The following LMBRD1 variants were observed in gnomAD, a reference collection of about 807,000 sequenced individuals.
LMBRD1 encodes LMBR1 domain containing 1, also known as lysosomal cobalamin transport escort protein LMBD1.
In LMBRD1, 64 loss-of-function variants were observed where a neutral mutation model predicts 74.8. That is an observed-to-expected ratio of 0.86 (90% CI 0.70 to 1.05). The LOEUF is 1.05. Among genes scored for constraint, LMBRD1 ranks in the 50% least tolerant of loss-of-function variants. The pLI is 0.00. For synonymous variants in LMBRD1, 204 were observed against 216.3 expected (o/e 0.94, Z 0.50); for missense variants, 652 against 645.9 (o/e 1.01, Z -0.10).
chr6:69,724,990 T>A (rs1389583008), intron 7 of LMBRD1, among the ~76,000 whole-genome samples: 2 of 152,016 alleles, frequency 1.3e-5, no homozygotes, highest in African/African-American at 4.8e-5. Context: ...AAAACTATTA[T>A]AACTGACAAG....
intron 5 of LMBRD1, chr6:69,745,997 G>A (rs1019104278): frequency 3.7e-5 from 8 of 218,848 alleles, no homozygotes; most frequent in East Asian, 2.2e-4. Flanking sequence ...TTCACTACAC[G>A]GCCTAAATGT....
At chr6:69,766,129 A>G (rs990741646) in intron 3 of LMBRD1, among the ~76,000 whole-genome samples, 3 of 151,586 alleles carry the variant, frequency 2.0e-5, no homozygotes, top group Non-Finnish European at 4.4e-5. Context: ...TTAATATTTA[A>G]GTAAATTTAT....
intron 3 of LMBRD1, among the ~76,000 whole-genome samples, chr6:69,768,322 T>TA (rs1181052296): frequency 2.0e-5 from 3 of 151,938 alleles, no homozygotes; most frequent in African/African-American, 7.2e-5. Flanking sequence ...ACTTATTTTA[T>TA]AGATATTTAT....
At chr6:69,679,072 A>AC (rs1360464747) in intron 14 of LMBRD1, among the ~76,000 whole-genome samples, 1 of 68,262 alleles carries the variant, frequency 1.5e-5, no homozygotes, top group Non-Finnish European at 4.2e-5. Flanking sequence ...ACAAACAAAC[A>AC]AAAAAAATCA....
At position 69,704,880 on chromosome 6, in the gene LMBRD1, TGCTA is replaced by T. The variant is rs915910678; in HGVS notation, c.916-2931_916-2928del. Reference sequence around the variant, plus strand: ...TTCTGTGTGATTCCTTTTGTTCTTCTGCTAGCTTTTTTGGGATTGGACATTTGTT... The same window carrying T: ...TTCTGTGTGATTCCTTTTGTTCTTCTGCTTTTTTGGGATTGGACATTTGTT... On this transcript the variant is annotated intron_variant, in intron 9 of 15. Coordinates refer to ENST00000649934, the MANE Select transcript of LMBRD1 (RefSeq NM_018368.4). 5.9e-4 allele frequency among the ~76,000 whole-genome samples: 88 copies of T among 150,326 alleles called. 1 individual carries two copies. Among genetic ancestry groups the T allele is most frequent in the African/African-American group, 2.0e-3 (82 of 40,830 alleles).
At chr6:69,712,518 C>T (rs773636507) in intron 9 of LMBRD1, among the ~76,000 whole-genome samples, 1 of 151,486 alleles carries the variant, frequency 6.6e-6, no homozygotes, top group Non-Finnish European at 1.5e-5. Context: ...AAGAAAATGT[C>T]ACACATACAT....
chr6:69,700,933 A>C, intron 11 of LMBRD1, 64 bp from the exon 12 acceptor site: 1 of 1,052,006 alleles, frequency 9.5e-7, no homozygotes. Flanking sequence ...AGTCATATAA[A>C]ATAAGCTAAA....
chr6:69,715,829 G>T (rs2149854420), intron 8 of LMBRD1, among the ~76,000 whole-genome samples: 1 of 152,118 alleles, frequency 6.6e-6, no homozygotes, highest in South Asian at 2.1e-4. Flanking sequence ...ATGTGTCCAT[G>T]TGTTCTCATC....
At chr6:69,701,313 G>A in intron 11 of LMBRD1, 130 bp downstream of exon 11, 1 of 631,216 alleles carries the variant, frequency 1.6e-6, no homozygotes, top group Non-Finnish European at 2.9e-6. Context: ...AATAATATAA[G>A]CATATGTCAA....
chr6:69,774,638 G>A (rs1228086708), intron 3 of LMBRD1, among the ~76,000 whole-genome samples: 1 of 151,966 alleles, frequency 6.6e-6, no homozygotes, highest in African/African-American at 2.4e-5. Context: ...TTAGATAAAA[G>A]GCTAAAACAC....
At chr6:69,701,371 C>A in intron 11 of LMBRD1, 72 bp downstream of exon 11, 1 of 848,596 alleles carries the variant, frequency 1.2e-6, no homozygotes, top group Non-Finnish European at 2.0e-6. Context: ...AACAGGATGT[C>A]AGAATGTTTG....
Position 69,790,432 on chromosome 6 carries a change from T to C in LMBRD1, c.110A>G (p.Gln37Arg), listed in dbSNP as rs1306321100. Residue 37 changes from glutamine to arginine, a missense_variant, in exon 2 of 16, where the codon CAA (glutamine) becomes CGA (arginine). Gln to Arg is a conservative substitution (Grantham distance 43). Coordinates refer to ENST00000649934, the MANE Select transcript of LMBRD1 (RefSeq NM_018368.4). ...GACAACTTCACTTTCCCGCCGACTT[T>C]GGTATTTACGAACATATATCCAGCA... ...AFCWIYVRKYQSRRESEVVST... is the reference protein window; with the variant it reads ...AFCWIYVRKYRSRRESEVVST... The C allele has an allele frequency of 3.1e-6, 5 of 1,613,948 alleles. No individual in the cohort carries two copies. The highest frequency in any genetic ancestry group is 4.2e-6 in the Non-Finnish European group (5 of 1,179,976).
In LMBRD1 at chr6:69,769,372, C is replaced by A. The variant is rs553387739; in HGVS notation, c.307+11122G>T. 3.9e-5 allele frequency among the ~76,000 whole-genome samples: 6 copies of A among 152,168 alleles called. 1 individual carries two copies. In the South Asian group the frequency reaches 1.2e-3, roughly 32 times the overall value. On this transcript the variant is annotated intron_variant, in intron 3 of 15. Transcript: ENST00000649934. Reference sequence around the variant, plus strand: ...TTATTTTTAAAATCATTTCTATCTCCTTTTTGAACATCTCTATTTGTCACA... The same window carrying A: ...TTATTTTTAAAATCATTTCTATCTCATTTTTGAACATCTCTATTTGTCACA...
intron 3 of LMBRD1, among the ~76,000 whole-genome samples, chr6:69,775,407 T>A (rs1765679519): frequency 6.6e-6 from 1 of 152,178 alleles, no homozygotes; most frequent in Admixed American, 6.5e-5. Context: ...GACCCTAGGA[T>A]TTGCAGAGAT....
intron 1 of LMBRD1, among the ~76,000 whole-genome samples, chr6:69,794,316 G>GGACAT (rs916417695): frequency 6.6e-6 from 1 of 152,114 alleles, no homozygotes; most frequent in African/African-American, 2.4e-5. Context: ...AATTAAGACT[G>GGACAT]TGCTTCACAA....
intron 1 of LMBRD1, chr6:69,790,674 T>C (rs1766061888): frequency 5.2e-6 from 3 of 581,870 alleles, no homozygotes; most frequent in Non-Finnish European, 9.2e-6. Flanking sequence ...ACATCACGTA[T>C]GCATACACAC....
Position 69,780,539 on chromosome 6 carries a change from T to G in LMBRD1, c.262A>C (p.Asn88His). The G allele has an allele frequency of 6.2e-7, 1 of 1,607,416 alleles. No individual in the cohort carries two copies. Among genetic ancestry groups the G allele is most frequent in the Non-Finnish European group, 8.5e-7 (1 of 1,174,072 alleles). ...NGTFKDWANA[N>H]VSRQIEDTVL... ...GTGTCCTCAATCTGTCTGCTGACAT[T>G]AGCATTAGCCCAGTCCTAGGATAAA... The change falls in exon 3 of 16, where the codon AAT (asparagine) becomes CAT (histidine). Residue 88 changes from asparagine (N) to histidine (H), a missense_variant. Transcript: ENST00000649934.
At chr6:69,700,712 G>A in intron 12 of LMBRD1, 53 bp downstream of exon 12, 2 of 1,170,078 alleles carry the variant, frequency 1.7e-6, no homozygotes, top group Non-Finnish European at 2.4e-6. Flanking sequence ...TTGTAATTAT[G>A]GAGATCACAC....
At chr6:69,721,352 G>A (rs1766610849) in intron 7 of LMBRD1, among the ~76,000 whole-genome samples, 1 of 152,176 alleles carries the variant, frequency 6.6e-6, no homozygotes, top group South Asian at 2.1e-4. Context: ...GGAAAGGAGA[G>A]GGAAGAGTAA....
Sources: allele counts gnomAD v4.1 joint callset (sites outside exome capture counted in the v4.1 genomes callset), GRCh38; gene constraint gnomAD v4.1.1; transcripts MANE v1.5; gene names NCBI Gene and HGNC (gene_info 2026-07-23, HGNC 2026-07-21).